The following KIAA0825 variants were observed in gnomAD, a reference collection of about 807,000 sequenced individuals.
KIAA0825 encodes uncharacterized protein KIAA0825.
Under a neutral mutation model 147.6 loss-of-function variants are expected in KIAA0825, and 119 were observed. That is an observed-to-expected ratio of 0.81 (90% CI 0.69 to 0.94). The LOEUF (loss-of-function observed/expected upper bound fraction) is 0.94, where lower values mean the gene tolerates loss of function less well. Ranked by LOEUF, KIAA0825 falls within the 40% of genes least tolerant of loss-of-function variation. The pLI is 0.00. For missense variants in KIAA0825, 1,381 were observed against 1,472.7 expected (o/e 0.94, Z 1.02); for synonymous variants, 470 against 518.1 (o/e 0.91, Z 1.26).
Position 94,508,538 on chromosome 5 carries a change from A to AG in KIAA0825, c.970+11709dup, listed in dbSNP as rs565662811. 7.7e-3 allele frequency among the ~76,000 whole-genome samples: 1,172 copies of AG among 151,860 alleles called. 17 individuals are homozygous for AG. The highest frequency in any genetic ancestry group is 0.026 in the African/African-American group (1,073 of 41,412). On this transcript the variant is annotated intron_variant, in intron 5 of 20. Transcript: ENST00000682413. Reference sequence around the variant, plus strand: ...CATTTGTTTTAGAATATGAAAAAAAAGGGGGGGGAAGTAAGGAAATCCCTT... The same window carrying AG: ...CATTTGTTTTAGAATATGAAAAAAAAGGGGGGGGGAAGTAAGGAAATCCCTT...
At chr5:94,417,695 G>A (rs1753649183) in intron 14 of KIAA0825, among the ~76,000 whole-genome samples, 1 of 151,984 alleles carries the variant, frequency 6.6e-6, no homozygotes, top group African/African-American at 2.4e-5. Flanking sequence ...AAACTTTTTT[G>A]TTTCTTTTTC....
intron 5 of KIAA0825, among the ~76,000 whole-genome samples, chr5:94,503,073 A>AT (rs1554295083): frequency 1.4e-4 from 20 of 147,232 alleles, no homozygotes; most frequent in South Asian, 6.3e-4. Flanking sequence ...CTCAAAAAAA[A>AT]ATATATATAT....
At chr5:94,205,394 T>C (rs1186994176) in intron 20 of KIAA0825, among the ~76,000 whole-genome samples, 3 of 150,666 alleles carry the variant, frequency 2.0e-5, no homozygotes, top group African/African-American at 4.9e-5. Flanking sequence ...CTCCGCCTCC[T>C]GGGTTCATGC....
chr5:94,470,029 C>T lies in KIAA0825; in HGVS notation c.1804G>A (p.Val602Ile). ...QFQVTNYCVR[V>I]CATSILQDAE... ...TCCTGTAAAATGCTTGTAGCACAAACTCTGACGCAGTAGTTCGTAACCTGA... is the reference window on the plus strand; with the variant it reads ...TCCTGTAAAATGCTTGTAGCACAAATTCTGACGCAGTAGTTCGTAACCTGA... Residue 602 changes from valine (V) to isoleucine (I), a missense_variant, in exon 10 of 21, where the codon GTT becomes ATT. Coordinates refer to ENST00000682413, the MANE Select transcript of KIAA0825 (RefSeq NM_001145678.3). The T allele has an allele frequency of 1.9e-6, 3 of 1,551,744 alleles. No individual in the cohort carries two copies. Among genetic ancestry groups the T allele is most frequent in the Non-Finnish European group, 2.6e-6 (3 of 1,146,972 alleles).
At chr5:94,479,949 AATTTTAAGAGTTCTTTGTAT>A (rs777853628) in intron 6 of KIAA0825, among the ~76,000 whole-genome samples, 17 of 152,108 alleles carry the variant, frequency 1.1e-4, no homozygotes, top group Non-Finnish European at 2.5e-4. Flanking sequence ...TTTCTTGTTG[AATTTTAAGAGTTCTTTGTAT>A]ATTTTGGATA....
chr5:94,338,659 C>A (rs1401400664), intron 20 of KIAA0825, among the ~76,000 whole-genome samples: 1 of 152,082 alleles, frequency 6.6e-6, no homozygotes, highest in East Asian at 1.9e-4. Context: ...CCAGTACAGA[C>A]ACATGCTGTA....
intron 2 of KIAA0825, among the ~76,000 whole-genome samples, chr5:94,573,508 G>A (rs1780374146): frequency 6.6e-6 from 1 of 152,146 alleles, no homozygotes; most frequent in Non-Finnish European, 1.5e-5. Context: ...CTGACCTCAA[G>A]TGATCCACCT....
intron 20 of KIAA0825, among the ~76,000 whole-genome samples, chr5:94,210,604 C>A (rs1196704012): frequency 6.6e-6 from 1 of 151,964 alleles, no homozygotes; most frequent in East Asian, 1.9e-4. Flanking sequence ...ATAAAAGGAC[C>A]CAAGGAGCAA....
intron 4 of KIAA0825, among the ~76,000 whole-genome samples, chr5:94,522,192 A>G (rs1311212906): frequency 6.6e-6 from 1 of 151,720 alleles, no homozygotes; most frequent in Non-Finnish European, 1.5e-5. Flanking sequence ...ACATACAGTA[A>G]GGCACAGAAC....
At chr5:94,445,485 A>G (rs1230971539) in intron 13 of KIAA0825, among the ~76,000 whole-genome samples, 1 of 152,154 alleles carries the variant, frequency 6.6e-6, no homozygotes, top group Non-Finnish European at 1.5e-5. Context: ...GCTGTCTTCA[A>G]GAAGATTAAT....
At chr5:94,513,986 G>T (rs1766860219) in intron 5 of KIAA0825, among the ~76,000 whole-genome samples, 1 of 152,080 alleles carries the variant, frequency 6.6e-6, no homozygotes, top group Non-Finnish European at 1.5e-5. Context: ...CAGCCAAAAT[G>T]CTTTCATTTT....
At chr5:94,531,430 G>A (rs1229699306) in intron 3 of KIAA0825, among the ~76,000 whole-genome samples, 1 of 152,182 alleles carries the variant, frequency 6.6e-6, no homozygotes, top group African/African-American at 2.4e-5. Flanking sequence ...AAGCATCACT[G>A]GACTTCATGC....
chr5:94,326,469 C>T (rs1175028617), intron 20 of KIAA0825, among the ~76,000 whole-genome samples: 3 of 152,178 alleles, frequency 2.0e-5, no homozygotes, highest in East Asian at 1.9e-4. Context: ...AAAACTATAT[C>T]GTTTCTGTGG....
chr5:94,564,942 C>T (rs371941119), intron 2 of KIAA0825, among the ~76,000 whole-genome samples: 2 of 140,754 alleles, frequency 1.4e-5, no homozygotes, highest in South Asian at 4.6e-4. Flanking sequence ...CCCTTCCCTC[C>T]CTCCCTTTTC....
At position 94,469,967 on chromosome 5, in the gene KIAA0825, A is replaced by G; in HGVS notation, c.1866T>C (p.Phe622=). ...AGTAAACTTAACTTCACACCTCATA[A>G]AAAGCTTTGTAGTCATCCCAGTGGT... The part of the protein sequence containing the change: ...ESHHWDDYKA[F]YEGERCSFSI... The change falls in exon 10 of 21, where the codon TTT becomes TTC. Residue 622 remains phenylalanine, a synonymous_variant. Transcript: ENST00000682413. 6.5e-7 allele frequency: 1 copy of G among 1,548,760 alleles called. No homozygotes were observed. The highest frequency in any genetic ancestry group is 1.2e-5 in the South Asian group (1 of 83,426).
At chr5:94,396,009 C>T in intron 17 of KIAA0825, 92 bp downstream of exon 17, 1 of 1,184,482 alleles carries the variant, frequency 8.4e-7, no homozygotes. Flanking sequence ...AATACTACTG[C>T]TGCCCATCTG....
intron 6 of KIAA0825, among the ~76,000 whole-genome samples, chr5:94,478,561 T>C (rs1401716748): frequency 6.6e-6 from 1 of 152,190 alleles, no homozygotes; most frequent in East Asian, 1.9e-4. Context: ...CTATTCCATT[T>C]CTCAAGACAC....
intron 20 of KIAA0825, among the ~76,000 whole-genome samples, chr5:94,340,474 AT>A (rs1024679175): frequency 7.9e-5 from 12 of 152,058 alleles, no homozygotes; most frequent in African/African-American, 2.9e-4. Flanking sequence ...ATGAAGACAA[AT>A]TTTGGTTCAC....
At chr5:94,489,667 C>A (rs941041983) in intron 5 of KIAA0825, among the ~76,000 whole-genome samples, 2 of 151,524 alleles carry the variant, frequency 1.3e-5, no homozygotes, top group East Asian at 3.9e-4. Flanking sequence ...GGGTGGATCA[C>A]CTGAGGTCAG....
Sources: gnomAD v4.1 joint callset for allele counts (sites outside exome capture counted in the v4.1 genomes callset) on GRCh38, gnomAD v4.1.1 for gene constraint, MANE v1.5 for transcripts, NCBI Gene and HGNC (gene_info 2026-07-23, HGNC 2026-07-21) for gene names.